PKHD1: variants seen among roughly 807,000 people sequenced by gnomAD.
The protein encoded by PKHD1 is fibrocystin.
PKHD1 carries 291 observed loss-of-function variants against 412.0 expected under a neutral mutation model. The observed-to-expected ratio is 0.71, with a 90% confidence interval of 0.64 to 0.78. The LOEUF is 0.78. Among genes scored for constraint, PKHD1 ranks in the 30% least tolerant of loss-of-function variants. The pLI is 0.00. For synonymous variants in PKHD1, 1,777 were observed against 1,821.5 expected (o/e 0.98, Z 0.62); for missense variants, 4,825 against 4,950.7 (o/e 0.97, Z 0.76).
chr6:51,982,848 A>AAAAAT (rs1795687030), intron 35 of PKHD1, among the ~76,000 whole-genome samples: 1 of 56,346 alleles, frequency 1.8e-5, no homozygotes, highest in South Asian at 5.2e-4. Flanking sequence ...TAAAAAAATA[A>AAAAAT]AAAAATAAAA....
intron 52 of PKHD1, among the ~76,000 whole-genome samples, chr6:51,815,478 A>T (rs1378479438): frequency 6.6e-6 from 1 of 152,140 alleles, no homozygotes; most frequent in Non-Finnish European, 1.5e-5. Flanking sequence ...GGAGGGAGAG[A>T]AAGGGAAAGA....
chr6:51,736,932 TCAC>T (rs751157678), intron 60 of PKHD1, among the ~76,000 whole-genome samples: 3 of 152,206 alleles, frequency 2.0e-5, no homozygotes, highest in Non-Finnish European at 2.9e-5. Context: ...TGAGCAGACG[TCAC>T]CACAATACCT....
intron 33 of PKHD1, among the ~76,000 whole-genome samples, chr6:52,020,014 C>A (rs894171359): frequency 6.6e-6 from 1 of 152,020 alleles, no homozygotes; most frequent in South Asian, 2.1e-4. Flanking sequence ...TAATTAAGAA[C>A]GTTTGAGTTC....
At position 51,854,643 on chromosome 6, in the gene PKHD1, C is replaced by T. The variant is rs538995645; in HGVS notation, c.7911+1250G>A. Among the ~76,000 whole-genome samples the T allele has an allele frequency of 6.6e-5, 10 of 152,252 alleles. No individual in the cohort carries two copies. The East Asian group carries it at 1.7e-3, about 27-fold the overall frequency. The stretch of plus-strand genomic sequence containing the variant: ...CTGGCTGGAGTTATTGGAGATCCTG[C>T]GGGGAAGCCCTGCCTGCCCACTGAG... On this transcript the variant is annotated intron_variant, in intron 49 of 66. Coordinates refer to ENST00000371117, the MANE Select transcript of PKHD1 (RefSeq NM_138694.4).
At chr6:51,891,269 T>G (rs978697262) in intron 43 of PKHD1, among the ~76,000 whole-genome samples, 7 of 152,144 alleles carry the variant, frequency 4.6e-5, no homozygotes, top group East Asian at 3.9e-4. Context: ...GGTTTTGTTT[T>G]TTTGTTTGTT....
Position 52,017,611 on chromosome 6 carries a change from C to T in PKHD1, c.5399G>A (p.Cys1800Tyr), listed in dbSNP as rs1407690306. The change falls in exon 34 of 67, where the codon TGT becomes TAT. Residue 1800 changes from cysteine to tyrosine, a missense_variant. Physicochemically the swap from Cys to Tyr is radical, Grantham distance 194. Coordinates refer to ENST00000371117, the MANE Select transcript of PKHD1 (RefSeq NM_138694.4). Reference protein sequence around the residue: ...LPLDVSLAFLCGLKREEDSCE... With the variant: ...LPLDVSLAFLYGLKREEDSCE... ...GCTGTCCTCCTCACGCTTCAGGCCA[C>T]ACAGGAAGGCCAAGGACACTGCAGG... The T allele has an allele frequency of 6.2e-7, 1 of 1,613,536 alleles. No individual in the cohort carries two copies. The highest frequency in any genetic ancestry group is 8.5e-7 in the Non-Finnish European group (1 of 1,179,814).
intron 60 of PKHD1, among the ~76,000 whole-genome samples, chr6:51,663,484 T>C (rs1338591263): frequency 6.6e-6 from 1 of 152,192 alleles, no homozygotes; most frequent in African/African-American, 2.4e-5. Context: ...ATAAATCACA[T>C]GACGTTAGTA....
chr6:51,964,207 C>A (rs1364607337), intron 35 of PKHD1, among the ~76,000 whole-genome samples: 3 of 152,098 alleles, frequency 2.0e-5, no homozygotes, highest in Non-Finnish European at 4.4e-5. Context: ...GCAACACCAC[C>A]AGAGTTATCT....
At chr6:51,777,232 C>G (rs1294363822) in intron 53 of PKHD1, among the ~76,000 whole-genome samples, 1 of 152,064 alleles carries the variant, frequency 6.6e-6, no homozygotes, top group Non-Finnish European at 1.5e-5. Flanking sequence ...TAAAATCATC[C>G]CCCCTTGCTG....
chr6:52,014,789 C>CATGGATGG (rs55884238), intron 34 of PKHD1, among the ~76,000 whole-genome samples: 13,614 of 142,158 alleles, frequency 0.096, 842 homozygotes, highest in African/African-American at 0.12. Flanking sequence ...ATGGATGGAT[C>CATGGATGG]ATGGATGGAT....
At chr6:51,705,766 G>C (rs1301250650) in intron 60 of PKHD1, among the ~76,000 whole-genome samples, 1 of 152,078 alleles carries the variant, frequency 6.6e-6, no homozygotes, top group Non-Finnish European at 1.5e-5. Context: ...GATGCTTGAA[G>C]TAGAAAGGGG....
chr6:52,048,750 C>CCCTT, intron 22 of PKHD1, 131 bp from the exon 23 acceptor site: 1 of 1,022,192 alleles, frequency 9.8e-7, no homozygotes, highest in Non-Finnish European at 1.5e-6. Context: ...TGAGGAAACT[C>CCCTT]AGTAAGGGAG....
intron 60 of PKHD1, among the ~76,000 whole-genome samples, chr6:51,695,479 G>T (rs1374202465): frequency 6.6e-6 from 1 of 152,096 alleles, no homozygotes; most frequent in East Asian, 1.9e-4. Flanking sequence ...GAAGAGGAAG[G>T]AGAGGAGGAA....
chr6:52,083,151 T>C (rs943110792), intron 3 of PKHD1, 27 bp downstream of exon 3: 1 of 1,421,416 alleles, frequency 7.0e-7, no homozygotes, highest in African/African-American at 1.4e-5. Flanking sequence ...ACATAAGAAA[T>C]GTGCACTTGG....
chr6:52,022,222 T>C (rs974617657), intron 33 of PKHD1, among the ~76,000 whole-genome samples: 1 of 152,208 alleles, frequency 6.6e-6, no homozygotes, highest in African/African-American at 2.4e-5. Flanking sequence ...CTACGCAGCT[T>C]AAAGTAGTGA....
intron 60 of PKHD1, among the ~76,000 whole-genome samples, chr6:51,669,462 G>A (rs1296067703): frequency 2.9e-4 from 44 of 150,128 alleles, no homozygotes; most frequent in East Asian, 9.8e-4. Context: ...TCTTGCTAGC[G>A]GTCTATCTAT....
Position 52,017,560 on chromosome 6 carries a change from A to C in PKHD1, c.5450T>G (p.Val1817Gly). ...CATGGCAACTGTCAAATCACACTGC[A>C]CATAGGTGTGTCTGGCAGCCTCACA... ...DSCEAARHTY[V>G]QCDLTVAMAT... The change falls in exon 34 of 67, where the codon GTG becomes GGG. Residue 1817 changes from valine (V) to glycine (G), a missense_variant. Coordinates refer to ENST00000371117, the MANE Select transcript of PKHD1 (RefSeq NM_138694.4). The C allele has an allele frequency of 9.9e-6, 16 of 1,614,100 alleles. No individual in the cohort carries two copies. The highest frequency in any genetic ancestry group is 1.4e-5 in the Non-Finnish European group (16 of 1,179,930).
intron 60 of PKHD1, among the ~76,000 whole-genome samples, chr6:51,684,978 A>T (rs1777217296): frequency 6.6e-6 from 1 of 152,128 alleles, no homozygotes; most frequent in African/African-American, 2.4e-5. Context: ...GCAAAATTAG[A>T]GCATATCCAT....
rs549896212 is a variant in PKHD1, at chr6:52,053,887, T to C, written c.1964+151A>G. The C allele has an allele frequency of 2.4e-4, 187 of 789,534 alleles. 1 individual carries two copies. The African/African-American group carries it at 2.7e-3, about 12-fold the overall frequency. 48.9% of individuals were successfully genotyped at this position (789,534 alleles called of 1,614,324 possible). On this transcript the variant is annotated intron_variant, in intron 20 of 66. Coordinates refer to ENST00000371117, the MANE Select transcript of PKHD1 (RefSeq NM_138694.4). Reference sequence around the variant, plus strand: ...CAACTAACTGCTCTGGAGTCAAACTTTTTTGTCAAATAAAATATATTCAAA... The same window carrying C: ...CAACTAACTGCTCTGGAGTCAAACTCTTTTGTCAAATAAAATATATTCAAA...
Sources: gnomAD v4.1 joint callset for allele counts (sites outside exome capture counted in the v4.1 genomes callset) on GRCh38, gnomAD v4.1.1 for gene constraint, MANE v1.5 for transcripts, NCBI Gene and HGNC (gene_info 2026-07-23, HGNC 2026-07-21) for gene names.